Variants in VAMP7 observed in about 807,000 individuals in gnomAD.
The protein encoded by VAMP7 is vesicle associated membrane protein 7.
In VAMP7, 14 loss-of-function variants were observed where a neutral mutation model predicts 29.6. The observed-to-expected ratio is 0.47, with a 90% CI of 0.31 to 0.74. The LOEUF (loss-of-function observed/expected upper bound fraction) is 0.74, where lower values mean the gene tolerates loss of function less well. Among genes scored for constraint, VAMP7 ranks in the 30% least tolerant of loss-of-function variants. The pLI is 0.05. For missense variants in VAMP7, 223 were observed against 262.4 expected (o/e 0.85, Z 1.04); for synonymous variants, 95 against 88.1 (o/e 1.08, Z -0.44).
intron 6 of VAMP7, among the ~76,000 whole-genome samples, chrX:155,933,249 T>C (rs1191572671): frequency 6.6e-6 from 1 of 152,210 alleles, no homozygotes; most frequent in Non-Finnish European, 1.5e-5. Context: ...CCTCATTTTC[T>C]ATTGATAGGA....
rs2066714761 is a variant in VAMP7 at position 155,939,684 on chromosome X, T to G, written c.502-17T>G. ...TAGTCAGTGCCAGGGGTTAAACAAT[T>G]CTCGCCTCTTTTCTAGTCTGTCACC... On this transcript the variant is annotated splice_polypyrimidine_tract_variant and intron_variant, in intron 6 of 7. Transcript: ENST00000286448. The G allele has an allele frequency of 1.3e-6, 2 of 1,599,370 alleles. No homozygotes were observed. Among genetic ancestry groups the G allele is most frequent in the Non-Finnish European group, 1.7e-6 (2 of 1,166,798 alleles).
chrX:155,923,599 T>G (rs1013969217), intron 6 of VAMP7, among the ~76,000 whole-genome samples: 9 of 151,956 alleles, frequency 5.9e-5, no homozygotes, highest in African/African-American at 1.4e-4. Flanking sequence ...TCTGGATGCT[T>G]TAAAGATTTT....
At chrX:155,926,867 T>C (rs751761153) in intron 6 of VAMP7, among the ~76,000 whole-genome samples, 4 of 152,272 alleles carry the variant, frequency 2.6e-5, no homozygotes, top group Admixed American at 2.6e-4. Context: ...ATTTCAATAT[T>C]GTGTCTCGGC....
At chrX:155,925,136 C>A (rs953594904) in intron 6 of VAMP7, among the ~76,000 whole-genome samples, 1 of 152,182 alleles carries the variant, frequency 6.6e-6, no homozygotes, top group Non-Finnish European at 1.5e-5. Flanking sequence ...CCACTGAAGT[C>A]TTGAACCCCT....
At chrX:155,928,475 T>G (rs769069038) in intron 6 of VAMP7, among the ~76,000 whole-genome samples, 28 of 152,298 alleles carry the variant, frequency 1.8e-4, no homozygotes, top group African/African-American at 6.7e-4. Flanking sequence ...TCTTCCAGCT[T>G]CAGGTGGCTG....
At chrX:155,905,345 C>T (rs923473283) in intron 5 of VAMP7, among the ~76,000 whole-genome samples, 1 of 151,958 alleles carries the variant, frequency 6.6e-6, no homozygotes, top group African/African-American at 2.4e-5. Context: ...ACATGATTTT[C>T]AAATATTTTG....
intron 5 of VAMP7, among the ~76,000 whole-genome samples, chrX:155,901,126 T>C (rs964573844): frequency 3.3e-5 from 5 of 152,072 alleles, no homozygotes; most frequent in Admixed American, 1.3e-4. Flanking sequence ...TAGAAGTTTA[T>C]CCTACAGTAG....
At chrX:155,928,751 A>G in intron 6 of VAMP7, among the ~76,000 whole-genome samples, 1 of 152,222 alleles carries the variant, frequency 6.6e-6, no homozygotes, top group Middle Eastern at 3.2e-3. Context: ...TCTTAGGGCA[A>G]CATTTAACAA....
chrX:155,937,868 A>G (rs759246719), intron 6 of VAMP7, among the ~76,000 whole-genome samples: 1 of 152,244 alleles, frequency 6.6e-6, no homozygotes, highest in East Asian at 1.9e-4. Flanking sequence ...GATTTGCTTG[A>G]TCAGTTTTCC....
chrX:155,939,889 G>A (rs902684394), intron 7 of VAMP7, 96 bp downstream of exon 7: 2 of 1,051,878 alleles, frequency 1.9e-6, no homozygotes, highest in African/African-American at 1.6e-5. Flanking sequence ...TCTGAAATGA[G>A]CTACATATGT....
At chrX:155,937,856 T>G (rs2066685002) in intron 6 of VAMP7, among the ~76,000 whole-genome samples, 1 of 152,222 alleles carries the variant, frequency 6.6e-6, no homozygotes, top group African/African-American at 2.4e-5. Context: ...AAATTGATCC[T>G]GGATTTGCTT....
At chrX:155,910,738 A>G (rs1299074362) in intron 5 of VAMP7, among the ~76,000 whole-genome samples, 2 of 151,898 alleles carry the variant, frequency 1.3e-5, no homozygotes, top group African/African-American at 4.8e-5. Flanking sequence ...GGCCATTTGT[A>G]TGTCTTCTTT....
At chrX:155,884,055 T>G (rs2065837190) in intron 1 of VAMP7, among the ~76,000 whole-genome samples, 1 of 151,636 alleles carries the variant, frequency 6.6e-6, no homozygotes, top group Admixed American at 6.6e-5. Context: ...CTGAGGTAAT[T>G]TAAGTGGTAA....
At chrX:155,882,064 C>T (rs187116247) in intron 1 of VAMP7, among the ~76,000 whole-genome samples, 1 of 152,290 alleles carries the variant, frequency 6.6e-6, no homozygotes, top group East Asian at 1.9e-4. Context: ...CACAACCAAC[C>T]AACTGTCTTC....
In VAMP7 at chrX:155,941,867, C is replaced by T. The variant is rs1378646252; in HGVS notation, c.595-16C>T. The T allele has an allele frequency of 3.1e-6, 5 of 1,611,414 alleles. No individual in the cohort carries two copies. Among genetic ancestry groups the T allele is most frequent in the Non-Finnish European group, 4.2e-6 (5 of 1,178,780 alleles). On this transcript the variant is annotated splice_polypyrimidine_tract_variant and intron_variant, in intron 7 of 7. Transcript: ENST00000286448. ...ATTGATTCAAGAAAATAAAATTGCT[C>T]TCCTCGTCCCTCCAGGTGTTCATCT... is the stretch of plus-strand genomic sequence containing the variant.
At chrX:155,925,528 A>G (rs1475051412) in intron 6 of VAMP7, among the ~76,000 whole-genome samples, 1 of 152,184 alleles carries the variant, frequency 6.6e-6, no homozygotes. Context: ...ACATGTGCCC[A>G]AGGTGGTCAA....
At chrX:155,883,198 A>C (rs951284660) in intron 1 of VAMP7, among the ~76,000 whole-genome samples, 1 of 152,170 alleles carries the variant, frequency 6.6e-6, no homozygotes, top group African/African-American at 2.4e-5. Context: ...TATTTGATCA[A>C]ATTTAAATGA....
chrX:155,882,330 GA>G (rs2065812310), intron 1 of VAMP7, among the ~76,000 whole-genome samples: 1 of 152,288 alleles, frequency 6.6e-6, no homozygotes, highest in South Asian at 2.1e-4. Context: ...GTCTAGAGGG[GA>G]AAACAGGAAT....
At position 155,942,049 on chromosome X, in the gene VAMP7, G is replaced by C. The variant is rs772102935; in HGVS notation, c.*98G>C. 6.2e-7 allele frequency: 1 copy of C among 1,606,012 alleles called. No individual in the cohort carries two copies. The highest frequency in any genetic ancestry group is 8.5e-7 in the Non-Finnish European group (1 of 1,175,512). ...TTTCACATACTGACAGATGGTATCT[G>C]CCAGTCTCTTCAACCCTCTTCTCAC... On this transcript the variant is annotated 3_prime_UTR_variant, in exon 8 of 8. Coordinates refer to ENST00000286448, the MANE Select transcript of VAMP7 (RefSeq NM_005638.6).
Sources: gnomAD v4.1 joint callset for allele counts (sites outside exome capture counted in the v4.1 genomes callset) on GRCh38, gnomAD v4.1.1 for gene constraint, MANE v1.5 for transcripts, NCBI Gene and HGNC (gene_info 2026-07-23, HGNC 2026-07-21) for gene names.